The following C8orf34 variants were observed in gnomAD, a reference collection of about 807,000 sequenced individuals.
The protein encoded by C8orf34 is chromosome 8 open reading frame 34, also known as uncharacterized protein C8orf34.
In C8orf34, 65 loss-of-function variants were observed where a neutral mutation model predicts 68.3. The ratio of observed to expected loss-of-function variants is 0.95; its 90% confidence interval spans 0.78 to 1.17. C8orf34 has a LOEUF of 1.17. Among genes scored for constraint, C8orf34 ranks in the 50% most tolerant of loss-of-function variants. The pLI, the probability that C8orf34 is intolerant of heterozygous loss-of-function variation, is 0.00. For synonymous variants in C8orf34, 244 were observed against 241.2 expected (o/e 1.01, Z -0.11); for missense variants, 664 against 655.4 (o/e 1.01, Z -0.14).
intron 3 of C8orf34, among the ~76,000 whole-genome samples, chr8:68,460,974 T>C (rs1423136963): frequency 6.6e-6 from 1 of 152,194 alleles, no homozygotes; most frequent in African/African-American, 2.4e-5. Flanking sequence ...GAAGAAGGCT[T>C]CAGATGATCA....
chr8:68,333,654 A>ACCTT (rs1312489872), intron 1 of C8orf34, among the ~76,000 whole-genome samples: 1 of 152,176 alleles, frequency 6.6e-6, no homozygotes, highest in Non-Finnish European at 1.5e-5. Flanking sequence ...CTCTTCTAGG[A>ACCTT]CCTTACTCAA....
chr8:68,685,797 G>T (rs1820498063), intron 8 of C8orf34, among the ~76,000 whole-genome samples: 1 of 151,866 alleles, frequency 6.6e-6, no homozygotes, highest in African/African-American at 2.4e-5. Flanking sequence ...GATAAACTGA[G>T]CCTGGGGAGG....
chr8:68,590,062 A>G (rs1011100682), intron 7 of C8orf34, among the ~76,000 whole-genome samples: 2 of 151,248 alleles, frequency 1.3e-5, no homozygotes, highest in African/African-American at 4.8e-5. Flanking sequence ...GGAGAAAACA[A>G]GAAAAGAAAG....
chr8:68,780,601 T>C (rs1823647266), intron 11 of C8orf34, among the ~76,000 whole-genome samples: 1 of 152,168 alleles, frequency 6.6e-6, no homozygotes, highest in Non-Finnish European at 1.5e-5. Flanking sequence ...ATTCCCAAAA[T>C]AAATGGGCTT....
At chr8:68,779,013 C>T (rs1179915426) in intron 11 of C8orf34, among the ~76,000 whole-genome samples, 1 of 151,542 alleles carries the variant, frequency 6.6e-6, no homozygotes, top group Non-Finnish European at 1.5e-5. Context: ...CCTGTCTCTA[C>T]AAAAAATCAA....
At chr8:68,645,780 G>C (rs1003484051) in intron 8 of C8orf34, among the ~76,000 whole-genome samples, 4 of 152,082 alleles carry the variant, frequency 2.6e-5, no homozygotes, top group Non-Finnish European at 5.9e-5. Context: ...GTAAAAAGTG[G>C]AGTCCACTCT....
intron 7 of C8orf34, among the ~76,000 whole-genome samples, chr8:68,560,144 G>GT (rs56070682): frequency 0.018 from 2,639 of 143,972 alleles, 46 homozygotes; most frequent in African/African-American, 0.046. Context: ...TGATTCTGGT[G>GT]TTTTTTTTTT....
chr8:68,597,468 T>G (rs1817578048), intron 7 of C8orf34, among the ~76,000 whole-genome samples: 1 of 152,130 alleles, frequency 6.6e-6, no homozygotes, highest in Admixed American at 6.6e-5. Flanking sequence ...AAGCATGAAC[T>G]TTACATTGAA....
chr8:68,765,899 T>G lies in C8orf34; in HGVS notation c.1405-10500T>G, dbSNP rs1443772229. ...CTCTATTATATGACCTGAATTTGTT[T>G]ACAAGTCAGTGAAAAATAATTTTTC... On this transcript the variant is annotated intron_variant, in intron 10 of 13. Transcript: ENST00000518698. Among the ~76,000 whole-genome samples the G allele has an allele frequency of 2.6e-5, 4 of 152,252 alleles. No homozygotes were observed. The East Asian group carries it at 7.7e-4, about 29-fold the overall frequency.
chr8:68,421,586 C>G (rs1296136154), intron 1 of C8orf34, among the ~76,000 whole-genome samples: 1 of 152,220 alleles, frequency 6.6e-6, no homozygotes, highest in South Asian at 2.1e-4. Context: ...CATAAAAACC[C>G]TAGGCTACTC....
At position 68,538,078 on chromosome 8, in the gene C8orf34, T is replaced by C. The variant is rs1280132406; in HGVS notation, c.1105+4929T>C. Among the ~76,000 whole-genome samples, 4 of 152,196 alleles carry C rather than the reference T, an allele frequency of 2.6e-5. No individual in the cohort carries two copies. In the South Asian group the frequency reaches 6.2e-4, roughly 24 times the overall value. On this transcript the variant is annotated intron_variant, in intron 7 of 13. Transcript: ENST00000518698. Reference sequence around the variant, plus strand: ...CTCAATTATACACCTATTGGAAAATTTCTTTATAAGACACAGCCATTTCCA... The same window carrying C: ...CTCAATTATACACCTATTGGAAAATCTCTTTATAAGACACAGCCATTTCCA...
At chr8:68,553,716 A>G (rs2130080432) in intron 7 of C8orf34, among the ~76,000 whole-genome samples, 1 of 152,096 alleles carries the variant, frequency 6.6e-6, no homozygotes, top group East Asian at 1.9e-4. Flanking sequence ...GATTTTAGTA[A>G]TTTAAGCCTC....
At chr8:68,751,494 G>A (rs951144343) in intron 10 of C8orf34, among the ~76,000 whole-genome samples, 1 of 152,068 alleles carries the variant, frequency 6.6e-6, no homozygotes, top group Non-Finnish European at 1.5e-5. Context: ...CTTAATACTT[G>A]GTGAGTCTTA....
intron 1 of C8orf34, among the ~76,000 whole-genome samples, chr8:68,332,517 G>T (rs1284014758): frequency 6.6e-6 from 1 of 152,106 alleles, no homozygotes; most frequent in African/African-American, 2.4e-5. Flanking sequence ...GGAAGGGGCT[G>T]CACTGGAGAT....
At chr8:68,524,011 G>A (rs528749639) in intron 6 of C8orf34, among the ~76,000 whole-genome samples, 2 of 152,108 alleles carry the variant, frequency 1.3e-5, no homozygotes, top group African/African-American at 2.4e-5. Context: ...ACAGGCTGAC[G>A]CTAGGCATCT....
At chr8:68,665,104 C>A (rs1819798279) in intron 8 of C8orf34, among the ~76,000 whole-genome samples, 1 of 152,054 alleles carries the variant, frequency 6.6e-6, no homozygotes, top group South Asian at 2.1e-4. Context: ...TTATTGATGA[C>A]AGAAGTTTGG....
chr8:68,726,611 G>A (rs1325287847), intron 10 of C8orf34, among the ~76,000 whole-genome samples: 1 of 152,132 alleles, frequency 6.6e-6, no homozygotes. Context: ...TTTTCATGCT[G>A]CTGATAAAAA....
At chr8:68,603,497 G>A (rs1438186933) in intron 7 of C8orf34, among the ~76,000 whole-genome samples, 1 of 140,110 alleles carries the variant, frequency 7.1e-6, no homozygotes, top group Non-Finnish European at 1.5e-5. Flanking sequence ...ACTACTCAGT[G>A]TGTATGTATA....
chr8:68,707,034 C>T (rs1821186337), intron 8 of C8orf34, among the ~76,000 whole-genome samples: 1 of 152,092 alleles, frequency 6.6e-6, no homozygotes, highest in African/African-American at 2.4e-5. Context: ...AAGCAAAAAG[C>T]TTTGGGAGTA....
Sources: gnomAD v4.1 joint callset for allele counts (sites outside exome capture counted in the v4.1 genomes callset) on GRCh38, gnomAD v4.1.1 for gene constraint, MANE v1.5 for transcripts, NCBI Gene and HGNC (gene_info 2026-07-23, HGNC 2026-07-21) for gene names.